The following PLCL2 variants were observed in gnomAD, a reference collection of about 807,000 sequenced individuals.
PLCL2 encodes the protein inactive phospholipase C-like protein 2.
Under a neutral mutation model 79.6 loss-of-function variants are expected in PLCL2, and 4 were observed. The ratio of observed to expected loss-of-function variants is 0.05; its 90% CI spans 0.02 to 0.11. The LOEUF (loss-of-function observed/expected upper bound fraction) is 0.11, where lower values mean the gene tolerates loss of function less well. PLCL2 is among the 10% of genes least tolerant of loss of function. The pLI is 1.00. For missense variants in PLCL2, 895 were observed against 1,291.0 expected (o/e 0.69, Z 4.70); for synonymous variants, 484 against 457.7 (o/e 1.06, Z -0.73).
intron 3 of PLCL2, among the ~76,000 whole-genome samples, chr3:17,035,307 A>G (rs2064635157): frequency 6.6e-6 from 1 of 152,148 alleles, no homozygotes. Context: ...TAACATGTTT[A>G]CTTGTAAACT....
chr3:16,946,950 A>ATTTTTTTTTT (rs1368093455), intron 1 of PLCL2, among the ~76,000 whole-genome samples: 5 of 76,994 alleles, frequency 6.5e-5, no homozygotes, highest in Non-Finnish European at 1.3e-4. Context: ...TTAAAGTTTC[A>ATTTTTTTTTT]TTCTTTTTTT....
intron 1 of PLCL2, among the ~76,000 whole-genome samples, chr3:17,002,247 T>G (rs897986739): frequency 6.6e-6 from 1 of 152,160 alleles, no homozygotes; most frequent in African/African-American, 2.4e-5. Context: ...GTTTATCAGT[T>G]CTAAGAGTTT....
intron 1 of PLCL2, among the ~76,000 whole-genome samples, chr3:17,000,392 C>T (rs1221267618): frequency 1.3e-5 from 2 of 151,196 alleles, no homozygotes; most frequent in Admixed American, 6.6e-5. Flanking sequence ...GTAAAATGAT[C>T]AAATCAGGGT....
At chr3:17,046,096 G>C (rs570410777) in intron 4 of PLCL2, among the ~76,000 whole-genome samples, 4 of 152,304 alleles carry the variant, frequency 2.6e-5, no homozygotes, top group African/African-American at 9.6e-5. Flanking sequence ...ATGGGAGTGA[G>C]AAGTGATGTG....
chr3:16,931,942 A>G (rs1353995903), intron 1 of PLCL2, among the ~76,000 whole-genome samples: 1 of 152,184 alleles, frequency 6.6e-6, no homozygotes, highest in African/African-American at 2.4e-5. Flanking sequence ...GAATGGGATT[A>G]GTGCCCTTAT....
chr3:16,890,722 T>G (rs540765833), intron 1 of PLCL2, among the ~76,000 whole-genome samples: 1 of 152,052 alleles, frequency 6.6e-6, no homozygotes, highest in East Asian at 1.9e-4. Context: ...GCGACTGTTA[T>G]GTTTGTAAGC....
At chr3:16,888,322 A>G (rs1696271102) in intron 1 of PLCL2, among the ~76,000 whole-genome samples, 2 of 152,254 alleles carry the variant, frequency 1.3e-5, no homozygotes, top group Admixed American at 6.5e-5. Context: ...TTCTGCCAAA[A>G]TAGATGCACA....
chr3:17,048,297 G>C (rs1211785530), intron 4 of PLCL2, among the ~76,000 whole-genome samples: 1 of 152,138 alleles, frequency 6.6e-6, no homozygotes, highest in Admixed American at 6.6e-5. Flanking sequence ...AGTTTGAACA[G>C]CATGGGTCCA....
In PLCL2 at chr3:16,969,923, G is replaced by T. The variant is rs929797173; in HGVS notation, c.328-39751G>T. On this transcript the variant is annotated intron_variant, in intron 1 of 5. Coordinates refer to ENST00000615277, the MANE Select transcript of PLCL2 (RefSeq NM_001144382.2). The stretch of plus-strand genomic sequence containing the variant: ...TGTTCTATCTTTGTTCTCATTACTT[G>T]CCAAGAATTTCTTGATTACTGCCTT... Among the ~76,000 whole-genome samples the T allele has an allele frequency of 2.6e-5, 4 of 151,560 alleles. No individual in the cohort carries two copies. The East Asian group carries it at 7.7e-4, about 29-fold the overall frequency.
intron 3 of PLCL2, among the ~76,000 whole-genome samples, chr3:17,024,460 T>A (rs1056446994): frequency 1.3e-5 from 2 of 152,144 alleles, no homozygotes; most frequent in African/African-American, 2.4e-5. Context: ...AAGCCCTTTT[T>A]AAAAAAAGTT....
intron 1 of PLCL2, among the ~76,000 whole-genome samples, chr3:17,006,917 T>C (rs1399306590): frequency 6.6e-6 from 1 of 152,194 alleles, no homozygotes; most frequent in Admixed American, 6.5e-5. Flanking sequence ...CTGAAATGTA[T>C]CATTTATAAC....
In PLCL2 at chr3:17,067,559, G is replaced by A. The variant is rs563349184; in HGVS notation, c.3095-397G>A. On this transcript the variant is annotated intron_variant, in intron 4 of 5. Transcript: ENST00000615277. ...TTACTTTGCGTTCTTTCTATCCCTC[G>A]TCTCCACTGTGTCCTCAGTGGAGCT... Among the ~76,000 whole-genome samples, 504 of 152,128 alleles carry A rather than the reference G, an allele frequency of 3.3e-3. 1 individual carries two copies. The highest frequency in any genetic ancestry group is 5.6e-3 in the Non-Finnish European group (382 of 67,994).
At chr3:16,931,664 A>G (rs1697395825) in intron 1 of PLCL2, among the ~76,000 whole-genome samples, 1 of 152,192 alleles carries the variant, frequency 6.6e-6, no homozygotes, top group Admixed American at 6.5e-5. Context: ...GGTTGCTGCC[A>G]TTTATTACGT....
intron 1 of PLCL2, among the ~76,000 whole-genome samples, chr3:16,939,775 T>C (rs897490970): frequency 1.3e-5 from 2 of 152,184 alleles, no homozygotes; most frequent in Non-Finnish European, 2.9e-5. Flanking sequence ...ATTCGGGAGA[T>C]CCTTTTCATG....
At chr3:16,921,206 T>C (rs1379011442) in intron 1 of PLCL2, among the ~76,000 whole-genome samples, 5 of 152,218 alleles carry the variant, frequency 3.3e-5, no homozygotes, top group African/African-American at 7.2e-5. Context: ...ATTTTAGTCA[T>C]ATATTTTTAA....
At chr3:16,914,866 A>G (rs1369301556) in intron 1 of PLCL2, among the ~76,000 whole-genome samples, 1 of 152,088 alleles carries the variant, frequency 6.6e-6, no homozygotes, top group East Asian at 1.9e-4. Context: ...AGTTGCTGAG[A>G]CATACAGTCA....
chr3:17,051,544 A>G (rs1001987705), intron 4 of PLCL2, among the ~76,000 whole-genome samples: 3 of 146,142 alleles, frequency 2.1e-5, no homozygotes, highest in East Asian at 2.8e-4. Flanking sequence ...TTCTGGGGGG[A>G]AAAAAAAGTC....
intron 1 of PLCL2, among the ~76,000 whole-genome samples, chr3:16,999,020 T>C (rs926369593): frequency 2.0e-5 from 3 of 152,236 alleles, no homozygotes; most frequent in African/African-American, 7.2e-5. Context: ...GGTCATTTGA[T>C]CATTTTTTAG....
intron 4 of PLCL2, among the ~76,000 whole-genome samples, chr3:17,043,461 ATTC>A (rs1371873495): frequency 6.6e-6 from 1 of 152,204 alleles, no homozygotes; most frequent in Middle Eastern, 3.2e-3. Context: ...AGACTATAAA[ATTC>A]TTCTTATATA....
Sources: gnomAD v4.1 joint callset for allele counts (sites outside exome capture counted in the v4.1 genomes callset) on GRCh38, gnomAD v4.1.1 for gene constraint, MANE v1.5 for transcripts, NCBI Gene and HGNC (gene_info 2026-07-23, HGNC 2026-07-21) for gene names.